The following TTC5 variants were observed in gnomAD, a reference collection of about 807,000 sequenced individuals.
The protein encoded by TTC5 is tetratricopeptide repeat protein 5.
In TTC5, 46 loss-of-function variants were observed where a neutral mutation model predicts 57.4. The ratio of observed to expected loss-of-function variants is 0.80; its 90% CI spans 0.63 to 1.03. TTC5 has a LOEUF of 1.03. TTC5 is among the 50% of genes least tolerant of loss of function. The pLI is 0.00. For missense variants in TTC5, 504 were observed against 528.1 expected (o/e 0.95, Z 0.45); for synonymous variants, 190 against 203.5 (o/e 0.93, Z 0.57).
At chr14:20,291,739 T>C (rs994065738) in intron 9 of TTC5, among the ~76,000 whole-genome samples, 1 of 152,150 alleles carries the variant, frequency 6.6e-6, no homozygotes, top group Admixed American at 6.5e-5. Flanking sequence ...CAGTAACAGT[T>C]AAAAGGCAGT....
At chr14:20,294,470 T>G (rs1882020795) in intron 8 of TTC5, 1 of 152,196 alleles carries the variant, frequency 6.6e-6, no homozygotes, top group African/African-American at 2.4e-5. Flanking sequence ...GGAGAAAGCT[T>G]GGGCATATAA....
intron 3 of TTC5, among the ~76,000 whole-genome samples, chr14:20,300,143 G>GTATGTGTGTGTGTATATATATA (rs56828704): frequency 7.4e-5 from 2 of 27,146 alleles, no homozygotes; most frequent in East Asian, 9.1e-4. Context: ...TCTGGTCCAT[G>GTATGTGTGTGTGTATATATATA]TATATATATA....
chr14:20,302,016 A>T lies in TTC5; in HGVS notation c.52-51T>A, dbSNP rs759904816. ...TAAGTGGAAAGATCACTGGATAGGG[A>T]AACTTGAAATTGGCTAGCCATACCA... On this transcript the variant is annotated intron_variant, in intron 1 of 9. Coordinates refer to ENST00000258821, the MANE Select transcript of TTC5 (RefSeq NM_138376.3). 4 of 1,606,236 alleles carry T rather than the reference A, an allele frequency of 2.5e-6. No individual in the cohort carries two copies. The African/African-American group carries it at 5.4e-5, about 21-fold the overall frequency.
chr14:20,304,236 T>C (rs1882246576), intron 1 of TTC5, among the ~76,000 whole-genome samples: 1 of 152,214 alleles, frequency 6.6e-6, no homozygotes, highest in South Asian at 2.1e-4. Context: ...ACTAACTAAC[T>C]ATCCCTGTTC....
intron 5 of TTC5, 81 bp downstream of exon 5, chr14:20,298,716 A>G (rs1882117364): frequency 3.9e-6 from 4 of 1,035,636 alleles, no homozygotes; most frequent in Admixed American, 4.0e-5. Context: ...GATGCTTGCT[A>G]AAGGGCCACA....
chr14:20,300,945 C>T, intron 2 of TTC5, 127 bp from the exon 3 acceptor site: 2 of 736,546 alleles, frequency 2.7e-6, no homozygotes, highest in Non-Finnish European at 4.4e-6. Flanking sequence ...TATCAATAAA[C>T]CATTTATTGA....
At chr14:20,300,399 TG>T in intron 3 of TTC5, 1 of 554,526 alleles carries the variant, frequency 1.8e-6, no homozygotes, top group Non-Finnish European at 3.2e-6. Flanking sequence ...TTTCTCCCCC[TG>T]AACCTGATCC....
chr14:20,295,568 G>T (rs749014883), intron 7 of TTC5, 42 bp from the exon 8 acceptor site: 1 of 1,583,752 alleles, frequency 6.3e-7, no homozygotes, highest in South Asian at 1.1e-5. Flanking sequence ...GAAACTAGTC[G>T]CCTTCCTTGA....
chr14:20,296,516 C>T, intron 5 of TTC5, 70 bp from the exon 6 acceptor site: 1 of 1,170,584 alleles, frequency 8.5e-7, no homozygotes, highest in South Asian at 1.2e-5. Context: ...CCAACATGTC[C>T]TACGCCTCCT....
At position 20,286,498 on chromosome 14, in the gene TTC5, G is replaced by C. The variant is rs1881840778; in HGVS notation, c.*3129C>G. 1 of 151,920 alleles carries C rather than the reference G, an allele frequency of 6.6e-6. No homozygotes were observed. Among genetic ancestry groups the C allele is most frequent in the Non-Finnish European group, 1.5e-5 (1 of 67,958 alleles). 9.4% of individuals were successfully genotyped at this position (151,920 alleles called of 1,614,324 possible). Reference sequence around the variant, plus strand: ...TTTAAAGATCAGTAGGGAAAGGATTGATTCTTTAATAAAAGGTGCTGGGCT... The same window carrying C: ...TTTAAAGATCAGTAGGGAAAGGATTCATTCTTTAATAAAAGGTGCTGGGCT... On this transcript the variant is annotated 3_prime_UTR_variant, in exon 10 of 10. Coordinates refer to ENST00000258821, the MANE Select transcript of TTC5 (RefSeq NM_138376.3).
At chr14:20,296,138 T>A (rs1294021701) in intron 6 of TTC5, among the ~76,000 whole-genome samples, 2 of 152,186 alleles carry the variant, frequency 1.3e-5, no homozygotes, top group African/African-American at 4.8e-5. Flanking sequence ...TACTTAACAT[T>A]TCAGAAGTCT....
chr14:20,305,938 C>T lies in TTC5; in HGVS notation c.-1G>A, dbSNP rs1330032203. The T allele has an allele frequency of 3.1e-6, 5 of 1,614,138 alleles. No homozygotes were observed. Among genetic ancestry groups the T allele is most frequent in the African/African-American group, 2.7e-5 (2 of 75,034 alleles). ...CTTCTTCCTCTTCATCAGCCATCAT[C>T]TCCCGGCCACTCCACCCCCAACTTT... is the stretch of plus-strand genomic sequence containing the variant. On this transcript the variant is annotated 5_prime_UTR_variant, in exon 1 of 10. Coordinates refer to ENST00000258821, the MANE Select transcript of TTC5 (RefSeq NM_138376.3).
rs776300232 is a variant in TTC5, at chr14:20,289,599, A to C, written c.*28T>G. ...TCCAGAGCCTTGTCTCCTCTCCTCCACTCCCTGTTGAGCATGCAAGTCAAA... is the reference window on the plus strand; with the variant it reads ...TCCAGAGCCTTGTCTCCTCTCCTCCCCTCCCTGTTGAGCATGCAAGTCAAA... On this transcript the variant is annotated 3_prime_UTR_variant, in exon 10 of 10. Coordinates refer to ENST00000258821, the MANE Select transcript of TTC5 (RefSeq NM_138376.3). 1.9e-6 allele frequency: 3 copies of C among 1,600,010 alleles called. No individual in the cohort carries two copies. The South Asian group carries it at 3.4e-5, about 18-fold the overall frequency.
Position 20,289,717 on chromosome 14 carries a change from C to A in TTC5, c.1233G>T (p.Glu411Asp). Residue 411 changes from glutamate to aspartate, a missense_variant, in exon 10 of 10, where the codon GAG becomes GAT. Transcript: ENST00000258821. ...KDYSFSSVRVETPLLLVVNGK... is the reference protein window; with the variant it reads ...KDYSFSSVRVDTPLLLVVNGK... Reference sequence around the variant, plus strand: ...CATTCACCACTAGCAGGAGGGGCGTCTCCACTCGAACACTGGAAAAGGAAT... The same window carrying A: ...CATTCACCACTAGCAGGAGGGGCGTATCCACTCGAACACTGGAAAAGGAAT... 1.2e-6 allele frequency: 2 copies of A among 1,613,890 alleles called. No individual in the cohort carries two copies. The highest frequency in any genetic ancestry group is 2.2e-5 in the South Asian group (2 of 91,044).
intron 8 of TTC5, chr14:20,294,746 C>G (rs1882025910): frequency 6.6e-6 from 1 of 152,342 alleles, no homozygotes; most frequent in Non-Finnish European, 1.5e-5. Flanking sequence ...ATTTTCTAAA[C>G]AAATATTCTT....
Position 20,305,889 on chromosome 14 carries a change from G to A in TTC5, c.49C>T (p.Gln17Ter). The change falls in exon 1 of 10, where the codon CAG (glutamine) becomes TAG (stop). Residue 17 changes from glutamine to a stop codon, truncating the protein, a stop_gained and splice_region_variant. Transcript: ENST00000258821. LOFTEE classifies it high-confidence loss of function. Reference sequence around the variant, plus strand: ...CAGAATTTAATCTACGGCCCCACCTGCAATTTCTGCAAGATCGGCTTGACT... The same window carrying A: ...CAGAATTTAATCTACGGCCCCACCTACAATTTCTGCAAGATCGGCTTGACT... Reference protein sequence around the residue: ...EEVKPILQKLQELVDQLYSFR... With the variant: ...EEVKPILQKL 2 of 1,613,942 alleles carry A rather than the reference G, an allele frequency of 1.2e-6. No homozygotes were observed. The highest frequency in any genetic ancestry group is 1.7e-6 in the Non-Finnish European group (2 of 1,179,918).
At position 20,287,857 on chromosome 14, in the gene TTC5, T is replaced by A. The variant is rs1291603533; in HGVS notation, c.*1770A>T. ...CAAGTTATTTTTATACCCCACAAGC[T>A]CCTAATCACTCTTCTATGACTCTAG... On this transcript the variant is annotated 3_prime_UTR_variant, in exon 10 of 10. Coordinates refer to ENST00000258821, the MANE Select transcript of TTC5 (RefSeq NM_138376.3). 6.6e-6 allele frequency: 1 copy of A among 152,142 alleles called. No homozygotes were observed. The highest frequency in any genetic ancestry group is 1.5e-5 in the Non-Finnish European group (1 of 68,020). 9.4% of individuals were successfully genotyped at this position (152,142 alleles called of 1,614,324 possible).
intron 1 of TTC5, among the ~76,000 whole-genome samples, chr14:20,303,442 T>C (rs1403889284): frequency 6.6e-6 from 1 of 152,184 alleles, no homozygotes; most frequent in African/African-American, 2.4e-5. Context: ...TCCTATTCTT[T>C]CCTGAAACTA....
Position 20,287,131 on chromosome 14 carries a change from T to C in TTC5, c.*2496A>G, listed in dbSNP as rs968363562. 2 of 152,204 alleles carry C rather than the reference T, an allele frequency of 1.3e-5. No homozygotes were observed. Among genetic ancestry groups the C allele is most frequent in the African/African-American group, 4.8e-5 (2 of 41,456 alleles). 9.4% of individuals were successfully genotyped at this position (152,204 alleles called of 1,614,324 possible). On this transcript the variant is annotated 3_prime_UTR_variant, in exon 10 of 10. Coordinates refer to ENST00000258821, the MANE Select transcript of TTC5 (RefSeq NM_138376.3). ...TATACTCTATGATCCAGCAATTCCA[T>C]TCTATGTCAATACTCTTAAACAGTG...
Sources: allele counts gnomAD v4.1 joint callset (sites outside exome capture counted in the v4.1 genomes callset), GRCh38; gene constraint gnomAD v4.1.1; transcripts MANE v1.5; gene names NCBI Gene and HGNC (gene_info 2026-07-23, HGNC 2026-07-21).